Variants in GABRQ observed in about 807,000 individuals in gnomAD.
GABRQ encodes gamma-aminobutyric acid type A receptor subunit theta.
A neutral mutation model predicts 30.5 loss-of-function variants in GABRQ; 19 were observed. The ratio of observed to expected loss-of-function variants is 0.62; its 90% confidence interval spans 0.43 to 0.91. The LOEUF (loss-of-function observed/expected upper bound fraction) is 0.91, where lower values mean the gene tolerates loss of function less well. GABRQ is among the 40% of genes least tolerant of loss of function. GABRQ has a pLI of 0.00. For missense variants in GABRQ, 520 were observed against 521.4 expected (o/e 1.00, Z 0.03); for synonymous variants, 187 against 210.2 (o/e 0.89, Z 0.95).
intron 2 of GABRQ, among the ~76,000 whole-genome samples, chrX:152,641,776 C>CAGGCAGCACGTCCTTGTAT (rs1211525495): frequency 1.8e-5 from 2 of 112,706 alleles, no homozygotes. Flanking sequence ...TGTTAGAGTA[C>CAGGCAGCACGTCCTTGTAT]AGGCAGCACG....
chrX:152,657,735 T>G (rs1931176464), downstream of GABRQ, among the ~76,000 whole-genome samples: 1 of 112,377 alleles, frequency 8.9e-6, no homozygotes, highest in Admixed American at 9.4e-5. Context: ...CAGCACAGTT[T>G]AAATTAGTTT....
Position 152,652,396 on chromosome X carries a change from C to T in GABRQ, c.1159-145C>T, listed in dbSNP as rs1931043936. ...TCCTCACCCCTTGAACACCAGAGAC[C>T]CCAAGAGGAGCTGGCTCTATCTGTC... On this transcript the variant is annotated intron_variant, in intron 8 of 8. Coordinates refer to ENST00000598523, the MANE Select transcript of GABRQ (RefSeq NM_018558.4). 9.4e-6 allele frequency: 5 copies of T among 534,126 alleles called. No homozygotes were observed. The South Asian group carries it at 1.3e-4, about 13-fold the overall frequency. The allele number at this position is 534,126 out of a possible 1,213,427, so 44.0% of individuals were successfully genotyped here.
Position 152,649,880 on chromosome X carries a change from G to A in GABRQ, c.748+1G>A. The A allele has an allele frequency of 8.4e-7, 1 of 1,194,300 alleles. No individual in the cohort carries two copies. The highest frequency in any genetic ancestry group is 1.1e-6 in the Non-Finnish European group (1 of 881,062). On this transcript the variant is annotated splice_donor_variant, in intron 6 of 8. Transcript: ENST00000598523. LOFTEE classifies it high-confidence loss of function. ...AGCAAGGAGGTGTATTTCTACACAGGTGGGTCTGACCCCTTCCTTCTCTCC... is the reference window on the plus strand; with the variant it reads ...AGCAAGGAGGTGTATTTCTACACAGATGGGTCTGACCCCTTCCTTCTCTCC...
At chrX:152,647,444 C>T (rs968779820) in intron 4 of GABRQ, among the ~76,000 whole-genome samples, 1 of 111,638 alleles carries the variant, frequency 9.0e-6, no homozygotes, top group Admixed American at 9.4e-5. Flanking sequence ...GAAACCTTGC[C>T]CACCCTGAAA....
At position 152,645,563 on chromosome X, in the gene GABRQ, C is replaced by T. The variant is rs1423609611; in HGVS notation, c.275C>T (p.Thr92Met). 6 of 1,143,090 alleles carry T rather than the reference C, an allele frequency of 5.2e-6. No homozygotes were observed. Among genetic ancestry groups the T allele is most frequent in the South Asian group, 1.8e-5 (1 of 55,154 alleles). 94.2% of individuals were successfully genotyped at this position (1,143,090 alleles called of 1,213,427 possible). A position where few individuals can be genotyped will look rare whatever the true frequency, so the allele number is the denominator to read the frequency against. ...PVPVRISIYV[T>M]SIEQISEMNM... is the part of the protein sequence containing the mutation. ...CCTGTGAGAATATCTATTTATGTCA[C>T]GAGCATTGAACAGATCTCAGAAATG... The change falls in exon 3 of 9, where the codon ACG becomes ATG. Residue 92 changes from threonine (T) to methionine (M), a missense_variant. Transcript: ENST00000598523.
chrX:152,657,713 G>A (rs782169415), downstream of GABRQ, among the ~76,000 whole-genome samples: 25 of 112,032 alleles, frequency 2.2e-4, no homozygotes, highest in African/African-American at 7.5e-4. Flanking sequence ...TCAAGCCGAG[G>A]GGAATTAGCA....
At position 152,649,236 on chromosome X, in the gene GABRQ, T is replaced by C. The variant is rs1029053747; in HGVS notation, c.528-15T>C. ...CTTCACTCACTTTCTCCTTCCTTTTTGTTTTCCTTTGCAGACTCACCACTA... is the reference window on the plus strand; with the variant it reads ...CTTCACTCACTTTCTCCTTCCTTTTCGTTTTCCTTTGCAGACTCACCACTA... On this transcript the variant is annotated splice_polypyrimidine_tract_variant and intron_variant, in intron 4 of 8. Coordinates refer to ENST00000598523, the MANE Select transcript of GABRQ (RefSeq NM_018558.4). 5.4e-6 allele frequency: 6 copies of C among 1,120,036 alleles called. No homozygotes were observed. The highest frequency in any genetic ancestry group is 7.4e-6 in the Non-Finnish European group (6 of 812,965). The allele number at this position is 1,120,036 out of a possible 1,213,427, so 92.3% of individuals were successfully genotyped here.
Position 152,652,798 on chromosome X carries a change from G to A in GABRQ, c.1416G>A (p.Gln472=), listed in dbSNP as rs1396624678. 8.3e-7 allele frequency: 1 copy of A among 1,209,112 alleles called. No homozygotes were observed. The highest frequency in any genetic ancestry group is 1.1e-6 in the Non-Finnish European group (1 of 894,996). The part of the protein sequence containing the change: ...HSYGVRFNGF[Q]ADDSIIPTEI... ...ATGGTGTTCGCTTTAATGGTTTCCA[G>A]GCTGATGACAGTATTATTCCTACCG... The change falls in exon 9 of 9, where the codon CAG becomes CAA. Residue 472 remains glutamine (Q), a synonymous_variant. Transcript: ENST00000598523.
downstream of GABRQ, among the ~76,000 whole-genome samples, chrX:152,658,416 G>A: frequency 8.9e-6 from 1 of 112,179 alleles, no homozygotes; most frequent in East Asian, 2.8e-4. Context: ...AAACCAGCTA[G>A]GGCCCTTTCC....
At chrX:152,650,624 C>T (rs1556820043) in intron 7 of GABRQ, 44 bp downstream of exon 7, 18 of 1,077,917 alleles carry the variant, frequency 1.7e-5, no homozygotes, top group Non-Finnish European at 2.3e-5. Context: ...GGTCATTTGG[C>T]TCAGAAAAAA....
rs1447281088 is a variant in GABRQ, at chrX:152,654,672, C to T, written c.*1391C>T. ...ACACTCTGCCCACTGAGCAGGGCCC[C>T]TAACGGAAGTAGGATTGGCCAGCAT... is the stretch of plus-strand genomic sequence containing the variant. On this transcript the variant is annotated 3_prime_UTR_variant, in exon 9 of 9. Transcript: ENST00000598523. 8.9e-6 allele frequency: 1 copy of T among 111,976 alleles called. No homozygotes were observed. The highest frequency in any genetic ancestry group is 2.8e-4 in the East Asian group (1 of 3,550). 9.2% of individuals were successfully genotyped at this position (111,976 alleles called of 1,213,427 possible).
rs991101569 is a variant in GABRQ, at chrX:152,637,921, G to T, written c.-282G>T. On this transcript the variant is annotated 5_prime_UTR_variant, in exon 1 of 9. Coordinates refer to ENST00000598523, the MANE Select transcript of GABRQ (RefSeq NM_018558.4). ...GTCGCAGCCAGGAGCGGCCGCAGAC[G>T]GAGCGCACCTCGCAGCTGCCGGGCG... Among the ~76,000 whole-genome samples the T allele has an allele frequency of 8.8e-6, 1 of 113,500 alleles. No homozygotes were observed. The highest frequency in any genetic ancestry group is 3.2e-5 in the African/African-American group (1 of 31,370).
At chrX:152,640,141 C>T (rs1602813373) in intron 1 of GABRQ, among the ~76,000 whole-genome samples, 1 of 106,736 alleles carries the variant, frequency 9.4e-6, no homozygotes, top group South Asian at 4.0e-4. Context: ...AGTCTCTGAG[C>T]CCCACCCTCT....
intron 1 of GABRQ, among the ~76,000 whole-genome samples, chrX:152,639,762 C>G (rs1320075786): frequency 2.7e-5 from 3 of 112,027 alleles, no homozygotes; most frequent in African/African-American, 9.7e-5. Context: ...ACCAGCAAGG[C>G]TCTCTCTGTG....
At position 152,647,175 on chromosome X, in the gene GABRQ, C is replaced by T. The variant is rs201817909; in HGVS notation, c.527+7C>T. On this transcript the variant is annotated splice_region_variant and intron_variant, in intron 4 of 8. Coordinates refer to ENST00000598523, the MANE Select transcript of GABRQ (RefSeq NM_018558.4). ...CGGTGCGGTACGGCATCCGGTGAGTCCCCTAGGGGTCTGGGGATGTCCCAG... is the reference window on the plus strand; with the variant it reads ...CGGTGCGGTACGGCATCCGGTGAGTTCCCTAGGGGTCTGGGGATGTCCCAG... The T allele has an allele frequency of 1.2e-5, 14 of 1,151,514 alleles. No homozygotes were observed. The highest frequency in any genetic ancestry group is 2.4e-4 in the Middle Eastern group (1 of 4,154). 94.9% of individuals were successfully genotyped at this position (1,151,514 alleles called of 1,213,427 possible).
chrX:152,658,127 C>T (rs1044277637), downstream of GABRQ, among the ~76,000 whole-genome samples: 2 of 111,674 alleles, frequency 1.8e-5, no homozygotes, highest in Non-Finnish European at 3.8e-5. Flanking sequence ...GACCCCAGCT[C>T]TCCACGCACC....
intron 8 of GABRQ, among the ~76,000 whole-genome samples, chrX:152,652,156 C>T (rs1481297906): frequency 8.9e-6 from 1 of 112,808 alleles, no homozygotes; most frequent in African/African-American, 3.2e-5. Flanking sequence ...CCTTCCTTGG[C>T]ACTTCAGACT....
rs1189681627 is a variant in GABRQ, at chrX:152,657,034, T to A, written c.*3753T>A. 1 of 111,922 alleles carries A rather than the reference T, an allele frequency of 8.9e-6. No individual in the cohort carries two copies. The highest frequency in any genetic ancestry group is 2.8e-4 in the East Asian group (1 of 3,591). 9.2% of individuals were successfully genotyped at this position (111,922 alleles called of 1,213,427 possible). A position where few individuals can be genotyped will look rare whatever the true frequency, so the allele number is the denominator to read the frequency against. On this transcript the variant is annotated 3_prime_UTR_variant, in exon 9 of 9. Coordinates refer to ENST00000598523, the MANE Select transcript of GABRQ (RefSeq NM_018558.4). ...TTCAGGGTCACTTCTATTGACTCAA[T>A]TTGTGTGAGACTTTGCACTCACTAT...
intron 2 of GABRQ, among the ~76,000 whole-genome samples, chrX:152,644,073 C>T (rs138251422): frequency 1.8e-5 from 2 of 111,121 alleles, no homozygotes; most frequent in Non-Finnish European, 3.8e-5. Flanking sequence ...TTACTACACA[C>T]GTTATATACG....
Sources: gnomAD v4.1 joint callset for allele counts (sites outside exome capture counted in the v4.1 genomes callset) on GRCh38, gnomAD v4.1.1 for gene constraint, MANE v1.5 for transcripts, NCBI Gene and HGNC (gene_info 2026-07-23, HGNC 2026-07-21) for gene names.